Variants in ETFA observed in about 807,000 individuals in gnomAD.
ETFA encodes the protein electron transfer flavoprotein subunit alpha, also known as electron transfer flavoprotein subunit alpha, mitochondrial.
A neutral mutation model predicts 46.2 loss-of-function variants in ETFA; 22 were observed. The observed-to-expected ratio is 0.48, with a 90% CI of 0.34 to 0.68. The LOEUF is 0.68. Ranked by LOEUF, ETFA falls within the 30% of genes least tolerant of loss-of-function variation. ETFA has a pLI of 0.01. For missense variants in ETFA, 345 were observed against 401.1 expected, an observed-to-expected ratio of 0.86 and a Z score of 1.19; for synonymous variants, 131 against 139.9, an observed-to-expected ratio of 0.94 and a Z score of 0.45.
intron 9 of ETFA, among the ~76,000 whole-genome samples, chr15:76,268,189 C>CAAAA (rs57096514): frequency 0.032 from 3,397 of 106,998 alleles, 197 homozygotes; most frequent in African/African-American, 0.1. Flanking sequence ...CCAGCTACAG[C>CAAAA]AAAAAAAAAA....
chr15:76,281,674 C>T (rs1169491351), intron 8 of ETFA, among the ~76,000 whole-genome samples: 11 of 151,838 alleles, frequency 7.2e-5, no homozygotes, highest in East Asian at 3.9e-4. Flanking sequence ...TGATTACAGG[C>T]GTAAGCCACC....
At chr15:76,251,248 G>T (rs909847433) in intron 9 of ETFA, among the ~76,000 whole-genome samples, 1 of 152,150 alleles carries the variant, frequency 6.6e-6, no homozygotes, top group African/African-American at 2.4e-5. Flanking sequence ...GGTACAAAAT[G>T]ATGGGGTCCA....
chr15:76,217,385 T>C (rs2038907374), intron 11 of ETFA, among the ~76,000 whole-genome samples: 1 of 152,196 alleles, frequency 6.6e-6, no homozygotes, highest in South Asian at 2.1e-4. Context: ...CACAAACATA[T>C]TGGTTGCTTT....
Position 76,311,377 on chromosome 15 carries a change from C to T in ETFA, c.12G>A (p.Ala4=), listed in dbSNP as rs1203837622. The T allele has an allele frequency of 1.0e-5, 16 of 1,564,014 alleles. No individual in the cohort carries two copies. Among genetic ancestry groups the T allele is most frequent in the Non-Finnish European group, 1.4e-5 (16 of 1,155,168 alleles). Residue 4 remains alanine, a synonymous_variant, in exon 1 of 12, where the codon GCG becomes GCA. Coordinates refer to ENST00000557943, the MANE Select transcript of ETFA (RefSeq NM_000126.4). ...CCCGCCGGAGCTGCCCCGGAGCCGC[C>T]GCTCGGAACATGGTCTCCGCTTCCG... MFR[A]AAPGQLRRAA...
chr15:76,259,913 T>C (rs1399750005), intron 9 of ETFA: 1 of 1,139,890 alleles, frequency 8.8e-7, no homozygotes, highest in Non-Finnish European at 1.3e-6. Context: ...GGGGATGGGG[T>C]GACAGCCTTT....
chr15:76,301,637 G>C (rs1371959326), intron 1 of ETFA, among the ~76,000 whole-genome samples: 1 of 151,230 alleles, frequency 6.6e-6, no homozygotes, highest in African/African-American at 2.4e-5. Context: ...TTGAACCCTG[G>C]AGGTGGATGT....
At chr15:76,253,720 G>C (rs904579038) in intron 9 of ETFA, among the ~76,000 whole-genome samples, 1 of 152,180 alleles carries the variant, frequency 6.6e-6, no homozygotes, top group Non-Finnish European at 1.5e-5. Flanking sequence ...GGAGGGGAGA[G>C]ATTTTGGATG....
rs2142108038 is a variant in ETFA, at chr15:76,225,867, T to G, written c.945A>C (p.Ile315=). The part of the protein sequence containing the change: ...APIFQVADYG[I]VADLFKVVPE... ...AGCTTACCTTAAATAAATCTGCAACTATTCCATAATCTGCCACTTGGAAAA... is the reference window on the plus strand; with the variant it reads ...AGCTTACCTTAAATAAATCTGCAACGATTCCATAATCTGCCACTTGGAAAA... Residue 315 remains isoleucine, a synonymous_variant, in exon 11 of 12, where the codon ATA becomes ATC. Coordinates refer to ENST00000557943, the MANE Select transcript of ETFA (RefSeq NM_000126.4). 3.7e-6 allele frequency: 6 copies of G among 1,608,124 alleles called. No homozygotes were observed. Among genetic ancestry groups the G allele is most frequent in the Non-Finnish European group, 4.3e-6 (5 of 1,174,572 alleles).
chr15:76,258,354 C>T, intron 9 of ETFA, among the ~76,000 whole-genome samples: 1 of 152,038 alleles, frequency 6.6e-6, no homozygotes, highest in East Asian at 1.9e-4. Flanking sequence ...AGCCTGGGTG[C>T]TCCAGCATTC....
At position 76,307,818 on chromosome 15, in the gene ETFA, T is replaced by G. The variant is rs373096174; in HGVS notation, c.39+3532A>C. ...CCATTTTTAAGTGTTAAGTGTTAAC[T>G]ATATGCACATCGTTAACAGTTTATG... is the stretch of plus-strand genomic sequence containing the variant. On this transcript the variant is annotated intron_variant, in intron 1 of 11. Transcript: ENST00000557943. Among the ~76,000 whole-genome samples the G allele has an allele frequency of 2.3e-4, 35 of 152,336 alleles. No homozygotes were observed. In the East Asian group the frequency reaches 4.6e-3, roughly 20 times the overall value.
At chr15:76,285,871 T>C in intron 6 of ETFA, 133 bp from the exon 7 acceptor site, 1 of 680,102 alleles carries the variant, frequency 1.5e-6, no homozygotes, top group Admixed American at 2.2e-5. Flanking sequence ...TCAGTGCTCC[T>C]AATTAATTCT....
chr15:76,259,679 T>G, intron 9 of ETFA: 1 of 1,061,260 alleles, frequency 9.4e-7, no homozygotes, highest in Non-Finnish European at 1.5e-6. Flanking sequence ...GCTGTAGATC[T>G]TCCAGGAGAG....
chr15:76,260,028 A>T, intron 9 of ETFA: 1 of 1,436,660 alleles, frequency 7.0e-7, no homozygotes, highest in Non-Finnish European at 9.8e-7. Context: ...CTTCAATGTC[A>T]CTTGAGGCAA....
At chr15:76,259,696 G>A in intron 9 of ETFA, 1 of 1,271,294 alleles carries the variant, frequency 7.9e-7, no homozygotes, top group Non-Finnish European at 1.1e-6. Context: ...AGAGTCCAAA[G>A]TCAGCCACAC....
At chr15:76,260,637 G>A (rs1398664103) in intron 9 of ETFA, 34 of 1,535,762 alleles carry the variant, frequency 2.2e-5, no homozygotes, top group Middle Eastern at 2.3e-4. Context: ...CAGTTTATAG[G>A]GTCCCAGGGG....
intron 5 of ETFA, among the ~76,000 whole-genome samples, chr15:76,287,587 T>C (rs1012945538): frequency 3.3e-5 from 5 of 152,182 alleles, no homozygotes; most frequent in Admixed American, 3.3e-4. Context: ...ATTGTGAATC[T>C]AATTTTTATT....
chr15:76,279,723 A>G (rs1366579721), intron 8 of ETFA, among the ~76,000 whole-genome samples: 1 of 152,118 alleles, frequency 6.6e-6, no homozygotes, highest in Non-Finnish European at 1.5e-5. Context: ...AGTGTGTGTC[A>G]TAGTTGATCA....
intron 9 of ETFA, among the ~76,000 whole-genome samples, chr15:76,258,160 T>G (rs1347312355): frequency 6.9e-6 from 1 of 143,950 alleles, no homozygotes; most frequent in Non-Finnish European, 1.5e-5. Context: ...CCCTAAAACT[T>G]AAAGTATAAT....
At chr15:76,291,320 A>T (rs183921337) in intron 4 of ETFA, among the ~76,000 whole-genome samples, 4 of 152,002 alleles carry the variant, frequency 2.6e-5, no homozygotes, top group Admixed American at 2.6e-4. Flanking sequence ...GCACGCACCT[A>T]TAATCCCAGC....
Sources: gnomAD v4.1 joint callset for allele counts (sites outside exome capture counted in the v4.1 genomes callset) on GRCh38, gnomAD v4.1.1 for gene constraint, MANE v1.5 for transcripts, NCBI Gene and HGNC (gene_info 2026-07-23, HGNC 2026-07-21) for gene names.